The following ANKRD66 variants were observed in gnomAD, a reference collection of about 807,000 sequenced individuals.
The protein encoded by ANKRD66 is ankyrin repeat domain 66, also known as ankyrin repeat domain-containing protein 66.
ANKRD66 carries 10 observed loss-of-function variants against 10.9 expected under a neutral mutation model. The observed-to-expected ratio is 0.91, with a 90% confidence interval of 0.56 to 1.55. The LOEUF (loss-of-function observed/expected upper bound fraction) is 1.55. ANKRD66 is among the 40% of genes most tolerant of loss of function. The probability of loss-of-function intolerance (pLI) is 0.00; values close to 1 mark genes in which losing one functional copy is unlikely to be tolerated. For missense variants in ANKRD66, 252 were observed against 242.9 expected (o/e 1.04, Z -0.25); for synonymous variants, 85 against 88.4 (o/e 0.96, Z 0.22).
chr6:46,752,240 T>C, intron 3 of ANKRD66, 129 bp downstream of exon 3: 1 of 1,137,090 alleles, frequency 8.8e-7, no homozygotes, highest in Non-Finnish European at 1.2e-6. Flanking sequence ...CATTTCATTT[T>C]TTTTCTTTTT....
At chr6:46,749,618 C>T (rs1232756348) in intron 1 of ANKRD66, among the ~76,000 whole-genome samples, 1 of 120,374 alleles carries the variant, frequency 8.3e-6, no homozygotes, top group Non-Finnish European at 1.6e-5. Flanking sequence ...TGGTTCTTTA[C>T]AGAAAAAGTT....
intron 4 of ANKRD66, 114 bp from the exon 5 acceptor site, chr6:46,758,609 C>A: frequency 9.8e-7 from 1 of 1,018,844 alleles, no homozygotes; most frequent in Non-Finnish European, 1.3e-6. Flanking sequence ...TCAAACTTGG[C>A]CTCCTTCCTT....
chr6:46,755,878 T>C (rs1348475150), intron 4 of ANKRD66, among the ~76,000 whole-genome samples: 1 of 152,192 alleles, frequency 6.6e-6, no homozygotes, highest in African/African-American at 2.4e-5. Flanking sequence ...GTGTAAAAAA[T>C]ATAATTTTTG....
At chr6:46,758,617 C>T (rs1648573276) in intron 4 of ANKRD66, 106 bp from the exon 5 acceptor site, 1 of 1,137,676 alleles carries the variant, frequency 8.8e-7, no homozygotes, top group South Asian at 2.1e-5. Context: ...GGCCTCCTTC[C>T]TTCTCAACTG....
At position 46,758,715 on chromosome 6, in the gene ANKRD66, T is replaced by C; in HGVS notation, c.393-8T>C. On this transcript the variant is annotated splice_region_variant and splice_polypyrimidine_tract_variant and intron_variant, in intron 4 of 4. Coordinates refer to ENST00000565422, the MANE Select transcript of ANKRD66 (RefSeq NM_001162435.3). ...TCCAAGTTCAGAAGGCTCTCTCTTC[T>C]TTCCTAGGGCAGAGCCCGAGTGCCA... The C allele has an allele frequency of 3.3e-6, 5 of 1,536,798 alleles. No homozygotes were observed. Among genetic ancestry groups the C allele is most frequent in the Non-Finnish European group, 4.4e-6 (5 of 1,141,990 alleles).
rs1457403100 is a variant in ANKRD66, at chr6:46,753,753, A to C, written c.195A>C (p.Glu65Asp). The C allele has an allele frequency of 9.0e-6, 14 of 1,551,314 alleles. No individual in the cohort carries two copies. Among genetic ancestry groups the C allele is most frequent in the Non-Finnish European group, 1.2e-5 (14 of 1,146,844 alleles). ...TGGAGGTGATACGGCTCCTGATAGA[A>C]TATGGAGCCAGGCCCTGCCTGGTTA... ...GQMEVIRLLI[E>D]YGARPCLVTS... is the part of the protein sequence containing the mutation. Residue 65 changes from glutamate (E) to aspartate (D), a missense_variant, in exon 4 of 5, where the codon GAA (glutamate) becomes GAC (aspartate). Transcript: ENST00000565422.
chr6:46,749,954 G>A lies in ANKRD66; in HGVS notation c.-38G>A. On this transcript the variant is annotated 5_prime_UTR_variant, in exon 2 of 5. Coordinates refer to ENST00000565422, the MANE Select transcript of ANKRD66 (RefSeq NM_001162435.3). ...GGGCTTACCACAACAAAGATGGCCGGACCCCTGCCCAGAGTTTCAGATTCT... is the reference window on the plus strand; with the variant it reads ...GGGCTTACCACAACAAAGATGGCCGAACCCCTGCCCAGAGTTTCAGATTCT... The A allele has an allele frequency of 6.6e-7, 1 of 1,520,384 alleles. No individual in the cohort carries two copies. The allele number at this position is 1,520,384 out of a possible 1,614,324, so 94.2% of individuals were successfully genotyped here.
intron 2 of ANKRD66, among the ~76,000 whole-genome samples, chr6:46,750,669 T>C (rs1766250749): frequency 6.7e-6 from 1 of 148,580 alleles, no homozygotes; most frequent in Non-Finnish European, 1.5e-5. Context: ...ATATATTATA[T>C]ACACATATAC....
chr6:46,754,310 G>A (rs987541092), intron 4 of ANKRD66, among the ~76,000 whole-genome samples: 4 of 152,088 alleles, frequency 2.6e-5, no homozygotes, highest in Admixed American at 1.3e-4. Context: ...GCAGCTTCCC[G>A]ACCCTCAGTT....
intron 1 of ANKRD66, 134 bp downstream of exon 1, chr6:46,747,124 G>A (rs752494644): frequency 1.5e-4 from 121 of 796,980 alleles, no homozygotes; most frequent in Non-Finnish European, 2.0e-4. Context: ...CTACCAGAAA[G>A]ATAGGAAATC....
chr6:46,758,237 A>G (rs1420583662), intron 4 of ANKRD66: 1 of 152,626 alleles, frequency 6.6e-6, no homozygotes, highest in Non-Finnish European at 1.5e-5. Flanking sequence ...TTATCCATCC[A>G]TGTATCCATT....
chr6:46,747,707 C>A (rs1028197352), intron 1 of ANKRD66, among the ~76,000 whole-genome samples: 1 of 152,124 alleles, frequency 6.6e-6, no homozygotes, highest in African/African-American at 2.4e-5. Flanking sequence ...TATTGATGAA[C>A]CTTTGGGATG....
intron 2 of ANKRD66, among the ~76,000 whole-genome samples, chr6:46,751,634 T>C (rs1389617308): frequency 6.6e-6 from 1 of 152,170 alleles, no homozygotes; most frequent in Non-Finnish European, 1.5e-5. Flanking sequence ...AAGGGAACAC[T>C]ACTAGAACTC....
chr6:46,747,081 A>C (rs1263204041), intron 1 of ANKRD66, 91 bp downstream of exon 1: 1 of 1,314,118 alleles, frequency 7.6e-7, no homozygotes, highest in Non-Finnish European at 1.0e-6. Flanking sequence ...ACTACTTTGC[A>C]CTTGATTTCC....
At chr6:46,754,046 T>G (rs1366514638) in intron 4 of ANKRD66, 96 bp downstream of exon 4, 4 of 1,087,672 alleles carry the variant, frequency 3.7e-6, no homozygotes, top group Non-Finnish European at 5.1e-6. Context: ...TCAATGAAAA[T>G]GAAATGAGGA....
At chr6:46,757,600 C>G (rs180802467) in intron 4 of ANKRD66, 5 of 152,254 alleles carry the variant, frequency 3.3e-5, no homozygotes, top group African/African-American at 1.2e-4. Flanking sequence ...TATTGATTCA[C>G]ATTTTGAGTA....
rs1024498063 is a variant in ANKRD66, at chr6:46,759,393, A to C, written c.*472A>C. ...AGATGCAAAATACACATTAGATTTCAAACACTTAGTACAAAAATATAAAAT... is the reference window on the plus strand; with the variant it reads ...AGATGCAAAATACACATTAGATTTCCAACACTTAGTACAAAAATATAAAAT... On this transcript the variant is annotated 3_prime_UTR_variant, in exon 5 of 5. Coordinates refer to ENST00000565422, the MANE Select transcript of ANKRD66 (RefSeq NM_001162435.3). 1 of 152,454 alleles carries C rather than the reference A, an allele frequency of 6.6e-6. No individual in the cohort carries two copies. Among genetic ancestry groups the C allele is most frequent in the Middle Eastern group, 3.2e-3 (1 of 316 alleles). The allele number at this position is 152,454 out of a possible 1,614,324, so 9.4% of individuals were successfully genotyped here.
intron 4 of ANKRD66, chr6:46,757,032 A>T (rs546791354): frequency 6.6e-6 from 1 of 152,278 alleles, no homozygotes; most frequent in East Asian, 1.9e-4. Context: ...GAAATGCAGG[A>T]GGGGTGCTTG....
In ANKRD66 at chr6:46,758,755, C is replaced by G; in HGVS notation, c.425C>G (p.Ala142Gly). ...CCCGAGTGCCAGGACCACCGTTGCGCTGCCCAGCAGAAGGGGCTGCCTCTG... is the reference window on the plus strand; with the variant it reads ...CCCGAGTGCCAGGACCACCGTTGCGGTGCCCAGCAGAAGGGGCTGCCTCTG... Reference protein sequence around the residue: ...AEPECQDHRCAAQQKGLPLDE... With the variant: ...AEPECQDHRCGAQQKGLPLDE... The change falls in exon 5 of 5, where the codon GCT becomes GGT. Residue 142 changes from alanine to glycine, a missense_variant. Ala to Gly is a moderately conservative substitution (Grantham distance 60, BLOSUM62 0). Coordinates refer to ENST00000565422, the MANE Select transcript of ANKRD66 (RefSeq NM_001162435.3). The G allele has an allele frequency of 6.4e-7, 1 of 1,550,620 alleles. No individual in the cohort carries two copies. Among genetic ancestry groups the G allele is most frequent in the Admixed American group, 2.0e-5 (1 of 50,992 alleles).
Sources: gnomAD v4.1 joint callset for allele counts (sites outside exome capture counted in the v4.1 genomes callset) on GRCh38, gnomAD v4.1.1 for gene constraint, MANE v1.5 for transcripts, NCBI Gene and HGNC (gene_info 2026-07-23, HGNC 2026-07-21) for gene names.